Variants in ARHGAP31 observed in about 807,000 individuals in gnomAD.
ARHGAP31 encodes the protein Rho GTPase activating protein 31, also known as rho GTPase-activating protein 31.
Under a neutral mutation model 113.9 loss-of-function variants are expected in ARHGAP31, and 34 were observed. The observed-to-expected ratio is 0.30, with a 90% CI of 0.23 to 0.40. ARHGAP31 has a LOEUF of 0.40. ARHGAP31 is among the 10% of genes least tolerant of loss of function. ARHGAP31 has a pLI of 1.00. For missense variants in ARHGAP31, 1,548 were observed against 1,767.1 expected (o/e 0.88, Z 2.22); for synonymous variants, 650 against 684.8 (o/e 0.95, Z 0.79).
intron 2 of ARHGAP31, among the ~76,000 whole-genome samples, chr3:119,366,978 T>C (rs1312104980): frequency 2.0e-5 from 3 of 151,870 alleles, no homozygotes; most frequent in Non-Finnish European, 4.4e-5. Flanking sequence ...GATGGGTGCC[T>C]GTAATCCCAA....
At chr3:119,337,006 A>C (rs1288386667) in intron 1 of ARHGAP31, among the ~76,000 whole-genome samples, 1 of 152,220 alleles carries the variant, frequency 6.6e-6, no homozygotes, top group South Asian at 2.1e-4. Flanking sequence ...TTTATTACCT[A>C]ATAATATTCT....
At chr3:119,406,254 T>C (rs974365229) in intron 10 of ARHGAP31, among the ~76,000 whole-genome samples, 1 of 152,112 alleles carries the variant, frequency 6.6e-6, no homozygotes, top group Non-Finnish European at 1.5e-5. Flanking sequence ...CAGGAGTCCA[T>C]ATTAATGGTC....
chr3:119,310,050 T>TTGC (rs1382718658), intron 1 of ARHGAP31, among the ~76,000 whole-genome samples: 1 of 152,128 alleles, frequency 6.6e-6, no homozygotes, highest in Non-Finnish European at 1.5e-5. Flanking sequence ...AGCTGGTACT[T>TTGC]GGCAAAGCCA....
intron 9 of ARHGAP31, among the ~76,000 whole-genome samples, chr3:119,401,471 CTCTT>C (rs1298844975): frequency 2.0e-5 from 3 of 152,140 alleles, no homozygotes; most frequent in African/African-American, 7.2e-5. Flanking sequence ...TCCCATCTGT[CTCTT>C]TATTTTTTCA....
At chr3:119,326,254 T>A (rs2079843141) in intron 1 of ARHGAP31, among the ~76,000 whole-genome samples, 3 of 152,182 alleles carry the variant, frequency 2.0e-5, no homozygotes, top group Admixed American at 2.0e-4. Flanking sequence ...GTAGGCACAT[T>A]TGAAGACAAG....
intron 1 of ARHGAP31, among the ~76,000 whole-genome samples, chr3:119,358,420 T>C (rs1321605771): frequency 1.3e-5 from 2 of 152,200 alleles, no homozygotes; most frequent in African/African-American, 2.4e-5. Flanking sequence ...GCACAACTAT[T>C]GTGGAAAACA....
intron 1 of ARHGAP31, among the ~76,000 whole-genome samples, chr3:119,341,565 C>CG (rs764574816): frequency 2.2e-4 from 33 of 152,226 alleles, no homozygotes; most frequent in Non-Finnish European, 3.7e-4. Context: ...GCGTTATGAA[C>CG]CCTTGAAATA....
intron 3 of ARHGAP31, among the ~76,000 whole-genome samples, chr3:119,372,573 G>T (rs367903041): frequency 6.6e-6 from 1 of 152,108 alleles, no homozygotes; most frequent in South Asian, 2.1e-4. Context: ...GTGAACCACC[G>T]CACCCGGCCT....
At chr3:119,387,257 G>C (rs530075200) in intron 6 of ARHGAP31, among the ~76,000 whole-genome samples, 112 of 152,330 alleles carry the variant, frequency 7.4e-4, no homozygotes, top group African/African-American at 2.6e-3. Context: ...GCCCTGTCCG[G>C]GCATAACAGA....
chr3:119,361,797 C>G (rs2080209499), intron 1 of ARHGAP31, among the ~76,000 whole-genome samples: 1 of 152,206 alleles, frequency 6.6e-6, no homozygotes, highest in Admixed American at 6.5e-5. Context: ...GATGATTACA[C>G]AGAGATTGAG....
At chr3:119,380,412 CA>C (rs1208976950) in intron 3 of ARHGAP31, among the ~76,000 whole-genome samples, 1 of 151,886 alleles carries the variant, frequency 6.6e-6, no homozygotes, top group Non-Finnish European at 1.5e-5. Context: ...TGTATTCATT[CA>C]TTCATTCATT....
intron 1 of ARHGAP31, among the ~76,000 whole-genome samples, chr3:119,309,533 T>C (rs1196145963): frequency 6.6e-6 from 1 of 151,782 alleles, no homozygotes; most frequent in East Asian, 1.9e-4. Flanking sequence ...GGCAGGAGAG[T>C]TGTTTGAACT....
At chr3:119,376,247 G>A (rs183273944) in intron 3 of ARHGAP31, among the ~76,000 whole-genome samples, 5 of 152,290 alleles carry the variant, frequency 3.3e-5, no homozygotes, top group East Asian at 1.9e-4. Flanking sequence ...CCAGCACTTC[G>A]GGAGGCTGAG....
chr3:119,382,414 CTCCCCT>C lies in ARHGAP31; in HGVS notation c.539+17_539+22del, dbSNP rs776126353. The C allele has an allele frequency of 5.0e-6, 8 of 1,610,180 alleles. No individual in the cohort carries two copies. The highest frequency in any genetic ancestry group is 6.8e-6 in the Non-Finnish European group (8 of 1,176,330). Reference sequence around the variant, plus strand: ...AACCTCCTCAGGTAACCACTCTACCCTCCCCTTGTCACCAGCCCAGGGGGCTCAGAG... The same window carrying C: ...AACCTCCTCAGGTAACCACTCTACCCTGTCACCAGCCCAGGGGGCTCAGAG... On this transcript the variant is annotated intron_variant, in intron 5 of 11. Transcript: ENST00000264245.
chr3:119,334,231 G>A (rs906183752), intron 1 of ARHGAP31, among the ~76,000 whole-genome samples: 6 of 151,936 alleles, frequency 3.9e-5, no homozygotes, highest in Non-Finnish European at 2.9e-5. Context: ...TTGGCTTGCC[G>A]TCTTGGCCCC....
intron 6 of ARHGAP31, among the ~76,000 whole-genome samples, chr3:119,388,297 A>G (rs1577024368): frequency 1.3e-5 from 1 of 79,302 alleles, no homozygotes; most frequent in Non-Finnish European, 2.5e-5. Context: ...TAATATGTAT[A>G]TGTATAATTT....
rs149871467 is a variant in ARHGAP31 at position 119,376,033 on chromosome 3, G to A, written c.349-4871G>A. Among the ~76,000 whole-genome samples, 505 of 152,228 alleles carry A rather than the reference G, an allele frequency of 3.3e-3. 4 individuals carry two copies. Among genetic ancestry groups the A allele is most frequent in the African/African-American group, 0.012 (488 of 41,542 alleles). On this transcript the variant is annotated intron_variant, in intron 3 of 11. Transcript: ENST00000264245. ...GCCCTGCCCCAAATAATGTCTTGACGCGTCAGTCTCCCTTGGTTAAATTGT... is the reference window on the plus strand; with the variant it reads ...GCCCTGCCCCAAATAATGTCTTGACACGTCAGTCTCCCTTGGTTAAATTGT...
chr3:119,316,966 A>G (rs1300031806), intron 1 of ARHGAP31, among the ~76,000 whole-genome samples: 1 of 152,146 alleles, frequency 6.6e-6, no homozygotes, highest in African/African-American at 2.4e-5. Context: ...GCTCTCCCTG[A>G]CCTCACTAAT....
chr3:119,300,830 C>CAAAA (rs1180971088), intron 1 of ARHGAP31, among the ~76,000 whole-genome samples: 16 of 88,432 alleles, frequency 1.8e-4, no homozygotes, highest in East Asian at 3.0e-4. Context: ...GACTCCATCT[C>CAAAA]AAAAAAAAAA....
Sources: gnomAD v4.1 joint callset for allele counts (sites outside exome capture counted in the v4.1 genomes callset) on GRCh38, gnomAD v4.1.1 for gene constraint, MANE v1.5 for transcripts, NCBI Gene and HGNC (gene_info 2026-07-23, HGNC 2026-07-21) for gene names.